The following TET2 variants were observed in gnomAD, a reference collection of about 807,000 sequenced individuals.
The protein encoded by TET2 is tet methylcytosine dioxygenase 2, also known as methylcytosine dioxygenase TET2.
A neutral mutation model predicts 142.9 loss-of-function variants in TET2; 299 were observed. The observed-to-expected ratio is 2.09, with a 90% CI of 1.90 to 2.30. TET2 has a LOEUF of 2.30. Ranked by LOEUF, TET2 falls within the 30% of genes most tolerant of loss-of-function variation. The pLI, the probability that TET2 is intolerant of heterozygous loss-of-function variation, is 0.00. For missense variants in TET2, 2,418 were observed against 2,378.0 expected, an observed-to-expected ratio of 1.02 and a Z score of -0.35; for synonymous variants, 819 against 849.0, an observed-to-expected ratio of 0.96 and a Z score of 0.61.
intron 1 of TET2, among the ~76,000 whole-genome samples, chr4:105,169,682 A>AT (rs1185493915): frequency 7.9e-5 from 12 of 151,976 alleles, no homozygotes; most frequent in Non-Finnish European, 1.6e-4. Flanking sequence ...GGTTTTTCTG[A>AT]TGTTATCTTC....
chr4:105,272,625 T>C lies in TET2; in HGVS notation c.4244T>C (p.Leu1415Pro). ...GGAGGAAAACCTGAGGATGAGCAGCTTCACGTTCTGCCTTTATACAAAGTC... is the reference window on the plus strand; with the variant it reads ...GGAGGAAAACCTGAGGATGAGCAGCCTCACGTTCTGCCTTTATACAAAGTC... ...EFGGKPEDEQ[L>P]HVLPLYKVSD... The change falls in exon 10 of 11, where the codon CTT (leucine) becomes CCT (proline). Residue 1415 changes from leucine (L) to proline (P), a missense_variant. Physicochemically the swap from Leu to Pro is moderately conservative, Grantham distance 98. Coordinates refer to ENST00000380013, the MANE Select transcript of TET2 (RefSeq NM_001127208.3). 1 of 1,551,126 alleles carries C rather than the reference T, an allele frequency of 6.4e-7. No homozygotes were observed. Among genetic ancestry groups the C allele is most frequent in the Non-Finnish European group, 8.7e-7 (1 of 1,146,814 alleles).
chr4:105,150,476 G>A (rs1407589351), intron 1 of TET2, among the ~76,000 whole-genome samples: 1 of 152,096 alleles, frequency 6.6e-6, no homozygotes, highest in Non-Finnish European at 1.5e-5. Flanking sequence ...TAAAACTTTG[G>A]ACCAGCTGTC....
intron 1 of TET2, among the ~76,000 whole-genome samples, chr4:105,177,319 CAATATT>C (rs1339694278): frequency 1.3e-5 from 2 of 152,086 alleles, no homozygotes; most frequent in Non-Finnish European, 2.9e-5. Flanking sequence ...CTGTGAAAGA[CAATATT>C]AAGAGAATGA....
In TET2 at chr4:105,163,806, C is replaced by CGAGAGAGA. The variant is rs59658275; in HGVS notation, c.-193+16869_-193+16876dup. 1.4e-3 allele frequency among the ~76,000 whole-genome samples: 111 copies of CGAGAGAGA among 79,776 alleles called. 1 individual carries two copies. Among genetic ancestry groups the CGAGAGAGA allele is most frequent in the African/African-American group, 3.6e-3 (77 of 21,422 alleles). The allele number at this position is 79,776 out of a possible 152,430, so 52.3% of individuals were successfully genotyped here. A position where few individuals can be genotyped will look rare whatever the true frequency, so the allele number is the denominator to read the frequency against. On this transcript the variant is annotated intron_variant, in intron 1 of 10. Transcript: ENST00000380013. The stretch of plus-strand genomic sequence containing the variant: ...TCTGGTGTTTGGAGCTCGAAAGTTT[C>CGAGAGAGA]GAGAGAGAGAGAGAGAGAGAGAGAG...
intron 4 of TET2, chr4:105,242,442 C>T: frequency 9.1e-7 from 1 of 1,097,904 alleles, no homozygotes; most frequent in South Asian, 4.2e-5. Flanking sequence ...ACAGTTCTAA[C>T]TAAAATCTAT....
At chr4:105,195,426 A>G (rs922841380) in intron 2 of TET2, among the ~76,000 whole-genome samples, 1 of 152,210 alleles carries the variant, frequency 6.6e-6, no homozygotes, top group African/African-American at 2.4e-5. Context: ...ATGATGTTCT[A>G]GAAGAATCTA....
At chr4:105,261,131 T>G (rs1273872234) in intron 7 of TET2, among the ~76,000 whole-genome samples, 3 of 152,052 alleles carry the variant, frequency 2.0e-5, no homozygotes, top group Non-Finnish European at 2.9e-5. Context: ...ATGGAGCAGC[T>G]AAATATGATC....
chr4:105,242,129 A>G, intron 4 of TET2: 1 of 1,165,998 alleles, frequency 8.6e-7, no homozygotes, highest in Non-Finnish European at 1.1e-6. Flanking sequence ...AGTACTTAGG[A>G]TACATTGGGG....
At position 105,217,948 on chromosome 4, in the gene TET2, C is replaced by A. The variant is rs1349172798; in HGVS notation, c.-46-15949C>A. Among the ~76,000 whole-genome samples the A allele has an allele frequency of 2.0e-5, 3 of 151,924 alleles. No homozygotes were observed. The East Asian group carries it at 5.8e-4, about 29-fold the overall frequency. ...TTGCCTAGGACCTGCTTCTTAATGT[C>A]AAAAATTCAGAAACCCAATTTTATC... On this transcript the variant is annotated intron_variant, in intron 2 of 10. Coordinates refer to ENST00000380013, the MANE Select transcript of TET2 (RefSeq NM_001127208.3).
At chr4:105,228,420 A>G (rs1728310314) in intron 2 of TET2, among the ~76,000 whole-genome samples, 1 of 152,146 alleles carries the variant, frequency 6.6e-6, no homozygotes, top group African/African-American at 2.4e-5. Context: ...TTAAAACTCC[A>G]TATTGAAATA....
At chr4:105,247,712 T>G (rs1030749977) in intron 6 of TET2, among the ~76,000 whole-genome samples, 1 of 142,286 alleles carries the variant, frequency 7.0e-6, no homozygotes, top group African/African-American at 2.7e-5. Flanking sequence ...TCTTTTTCTT[T>G]TCTTTTTTTT....
chr4:105,153,413 TTATC>T (rs1291917658), intron 1 of TET2, among the ~76,000 whole-genome samples: 1 of 152,190 alleles, frequency 6.6e-6, no homozygotes, highest in Admixed American at 6.5e-5. Context: ...GTTTAGCAAT[TTATC>T]AATCTTGTGA....
intron 2 of TET2, among the ~76,000 whole-genome samples, chr4:105,191,290 A>G (rs1351659060): frequency 2.6e-5 from 4 of 152,220 alleles, no homozygotes; most frequent in Non-Finnish European, 4.4e-5. Flanking sequence ...TCTGAATGCC[A>G]TGACCTGCTG....
At position 105,237,156 on chromosome 4, in the gene TET2, G is replaced by A. The variant is rs781223363; in HGVS notation, c.3214G>A (p.Ala1072Thr). 6.2e-7 allele frequency: 1 copy of A among 1,614,110 alleles called. No individual in the cohort carries two copies. Among genetic ancestry groups the A allele is most frequent in the South Asian group, 1.1e-5 (1 of 91,084 alleles). ...VTVLTRQTTAAELDSHTPALE... is the reference protein window; with the variant it reads ...VTVLTRQTTATELDSHTPALE... The stretch of plus-strand genomic sequence containing the variant: ...AGTTTTGACTAGACAAACCACTGCT[G>A]CAGAACTTGATAGCCACACCCCAGC... The change falls in exon 3 of 11, where the codon GCA (alanine) becomes ACA (threonine). Residue 1072 changes from alanine to threonine, a missense_variant. Transcript: ENST00000380013.
chr4:105,210,906 G>A (rs760376418), intron 2 of TET2, among the ~76,000 whole-genome samples: 1 of 152,144 alleles, frequency 6.6e-6, no homozygotes, highest in Non-Finnish European at 1.5e-5. Context: ...AGCTACCAGA[G>A]TGATCTTTTA....
At chr4:105,213,702 A>G (rs774820173) in intron 2 of TET2, among the ~76,000 whole-genome samples, 12 of 152,178 alleles carry the variant, frequency 7.9e-5, no homozygotes, top group Non-Finnish European at 1.8e-4. Context: ...CCACCTTCCT[A>G]TGAGTCTCCA....
At position 105,236,230 on chromosome 4, in the gene TET2, C is replaced by G. The variant is rs772802291; in HGVS notation, c.2288C>G (p.Pro763Arg). 4 of 1,614,070 alleles carry G rather than the reference C, an allele frequency of 2.5e-6. No homozygotes were observed. ...GAAATACTCCAGACTTTTCCTCACC[C>G]CCAAAGCAACAATGATCAGCAAAGA... ...KEEILQTFPH[P>R]QSNNDQQREG... is the part of the protein sequence containing the mutation. The change falls in exon 3 of 11, where the codon CCC (proline) becomes CGC (arginine). Residue 763 changes from proline to arginine, a missense_variant. Pro to Arg is a moderately radical substitution (Grantham distance 103). Coordinates refer to ENST00000380013, the MANE Select transcript of TET2 (RefSeq NM_001127208.3).
chr4:105,254,232 T>C (rs1429532257), intron 6 of TET2, among the ~76,000 whole-genome samples: 1 of 152,216 alleles, frequency 6.6e-6, no homozygotes, highest in African/African-American at 2.4e-5. Context: ...GAAATCAGAA[T>C]GAACCATCTG....
At position 105,236,149 on chromosome 4, in the gene TET2, C is replaced by G. The variant is rs780929624; in HGVS notation, c.2207C>G (p.Ser736Ter). 1 of 1,614,082 alleles carries G rather than the reference C, an allele frequency of 6.2e-7. No individual in the cohort carries two copies. Among genetic ancestry groups the G allele is most frequent in the Non-Finnish European group, 8.5e-7 (1 of 1,179,994 alleles). Reference sequence around the variant, plus strand: ...GCACAAACACAACCATCCCAGAGTTCACATCTCCCTCAAAACCAGCAACAG... The same window carrying G: ...GCACAAACACAACCATCCCAGAGTTGACATCTCCCTCAAAACCAGCAACAG... ...QAAQTQPSQS[S>*]HLPQNQQQQQ... Residue 736 changes from serine (S) to a stop codon, truncating the protein, a stop_gained, in exon 3 of 11, where the codon TCA becomes TGA. Coordinates refer to ENST00000380013, the MANE Select transcript of TET2 (RefSeq NM_001127208.3). LOFTEE classifies it high-confidence loss of function.
Sources: gnomAD v4.1 joint callset for allele counts (sites outside exome capture counted in the v4.1 genomes callset) on GRCh38, gnomAD v4.1.1 for gene constraint, MANE v1.5 for transcripts, NCBI Gene and HGNC (gene_info 2026-07-23, HGNC 2026-07-21) for gene names.